Variants in CSGALNACT1 observed in about 807,000 individuals in gnomAD.
CSGALNACT1 encodes the protein chondroitin sulfate N-acetylgalactosaminyltransferase 1.
CSGALNACT1 carries 52 observed loss-of-function variants against 51.0 expected under a neutral mutation model. The ratio of observed to expected loss-of-function variants is 1.02; its 90% CI spans 0.82 to 1.29. The LOEUF is 1.29. CSGALNACT1 is among the 50% of genes most tolerant of loss of function. The pLI, the probability that CSGALNACT1 is intolerant of heterozygous loss-of-function variation, is 0.00. For synonymous variants in CSGALNACT1, 341 were observed against 254.4 expected (o/e 1.34, Z -3.24); for missense variants, 935 against 679.2 (o/e 1.38, Z -4.19).
chr8:19,564,765 C>T (rs1312830640), intron 3 of CSGALNACT1, among the ~76,000 whole-genome samples: 2 of 152,224 alleles, frequency 1.3e-5, no homozygotes, highest in Non-Finnish European at 2.9e-5. Context: ...CTCTGCATAG[C>T]ACTTTTTCTG....
In CSGALNACT1 at chr8:19,612,899, C is replaced by T. The variant is rs548650705; in HGVS notation, c.-543-11034G>A. On this transcript the variant is annotated intron_variant, in intron 1 of 9. Coordinates refer to the CSGALNACT1 transcript ENST00000332246. The stretch of plus-strand genomic sequence containing the variant: ...GGCAGTTGTAAACCATTTCAGCACC[C>T]GTAAAACCTTCTCCTTTATCACAAA... Among the ~76,000 whole-genome samples, 8 of 131,012 alleles carry T rather than the reference C, an allele frequency of 6.1e-5. 1 individual carries two copies. The highest frequency in any genetic ancestry group is 2.7e-4 in the Admixed American group (3 of 11,244). The allele number at this position is 131,012 out of a possible 152,430, so 85.9% of individuals were successfully genotyped here. A position where few individuals can be genotyped will look rare whatever the true frequency, so the allele number is the denominator to read the frequency against.
At chr8:19,628,926 T>G (rs147177667) in intron 1 of CSGALNACT1, among the ~76,000 whole-genome samples, 2 of 152,288 alleles carry the variant, frequency 1.3e-5, no homozygotes, top group African/African-American at 4.8e-5. Context: ...GCCTGGGAAG[T>G]GATCTTTCTG....
chr8:19,599,472 A>AAGAAAAAG (rs1554751245), intron 2 of CSGALNACT1, among the ~76,000 whole-genome samples: 50 of 113,800 alleles, frequency 4.4e-4, no homozygotes, highest in African/African-American at 1.6e-3. Flanking sequence ...GAAAGAAAGA[A>AAGAAAAAG]AAAGAAAGAA....
chr8:19,513,415 A>ACTCTCTCTCTCTCTCTCTCTCT (rs1409555325), intron 3 of CSGALNACT1, among the ~76,000 whole-genome samples: 3 of 111,498 alleles, frequency 2.7e-5, no homozygotes, highest in African/African-American at 1.0e-4. Context: ...TCTCTCTCTC[A>ACTCTCTCTCTCTCTCTCTCTCT]CTCTCTCTCT....
chr8:19,505,509 T>C, exon 4 of CSGALNACT1: 1 of 1,614,054 alleles, frequency 6.2e-7, no homozygotes, highest in Non-Finnish European at 8.5e-7. Flanking sequence ...GGGGCTCCTG[T>C]CCAGACCCAG....
intron 3 of CSGALNACT1, among the ~76,000 whole-genome samples, chr8:19,558,594 T>C (rs542925479): frequency 6.6e-6 from 1 of 152,344 alleles, no homozygotes; most frequent in South Asian, 2.1e-4. Context: ...GGGTTTAATC[T>C]AGATGTTTAC....
chr8:19,703,828 A>T (rs1054502882), intron 1 of CSGALNACT1, among the ~76,000 whole-genome samples: 2 of 152,250 alleles, frequency 1.3e-5, no homozygotes, highest in African/African-American at 4.8e-5. Context: ...TTCTCTACAA[A>T]GTACGTTACA....
intron 1 of CSGALNACT1, among the ~76,000 whole-genome samples, chr8:19,621,894 T>G (rs546174026): frequency 1.3e-5 from 2 of 152,382 alleles, no homozygotes; most frequent in South Asian, 2.1e-4. Context: ...TTCCACAATT[T>G]TTTGTGCTAT....
At chr8:19,726,697 T>C (rs1036403842) in intron 1 of CSGALNACT1, among the ~76,000 whole-genome samples, 4 of 152,166 alleles carry the variant, frequency 2.6e-5, no homozygotes, top group South Asian at 2.1e-4. Flanking sequence ...ATATGAACAA[T>C]ATAATACTGA....
chr8:19,554,126 G>C (rs191743510), intron 3 of CSGALNACT1, among the ~76,000 whole-genome samples: 4 of 152,068 alleles, frequency 2.6e-5, no homozygotes, highest in African/African-American at 7.2e-5. Flanking sequence ...GCCCACAGCT[G>C]AACATAATAC....
chr8:19,484,926 G>C (rs1457416215), intron 4 of CSGALNACT1, among the ~76,000 whole-genome samples: 1 of 152,072 alleles, frequency 6.6e-6, no homozygotes, highest in Non-Finnish European at 1.5e-5. Context: ...CCTCACTGAG[G>C]ACACAGTGAG....
chr8:19,408,967 C>CAG (rs1301412571), intron 8 of CSGALNACT1, among the ~76,000 whole-genome samples: 11 of 151,830 alleles, frequency 7.2e-5, no homozygotes, highest in African/African-American at 2.7e-4. Flanking sequence ...CACACACACA[C>CAG]ACACACACAC....
At chr8:19,754,593 T>C (rs2065240750) in intron 1 of CSGALNACT1, among the ~76,000 whole-genome samples, 1 of 152,248 alleles carries the variant, frequency 6.6e-6, no homozygotes, top group African/African-American at 2.4e-5. Context: ...ACATCTCTTT[T>C]AAGCCCTTAA....
chr8:19,561,961 C>T (rs769494049), intron 3 of CSGALNACT1, among the ~76,000 whole-genome samples: 142 of 152,272 alleles, frequency 9.3e-4, no homozygotes, highest in Middle Eastern at 3.4e-3. Context: ...ACCCTTGAAC[C>T]TCTAGAATGC....
intron 7 of CSGALNACT1, among the ~76,000 whole-genome samples, chr8:19,419,882 C>T (rs745868402): frequency 6.6e-6 from 1 of 152,210 alleles, no homozygotes; most frequent in Non-Finnish European, 1.5e-5. Context: ...TGAATTGTAG[C>T]TCCCATAATC....
Position 19,666,809 on chromosome 8 carries a change from A to AAG in CSGALNACT1, c.-544+15662_-544+15663dup, listed in dbSNP as rs375633259. On this transcript the variant is annotated intron_variant, in intron 1 of 9. Coordinates refer to the CSGALNACT1 transcript ENST00000332246. ...AAAGAAAGAAAGAAAGAAAGAAAGA[A>AAG]AGAGAGAGAGAGAGAGAGAGAGAGA... 2.0e-3 allele frequency among the ~76,000 whole-genome samples: 49 copies of AAG among 25,098 alleles called. 1 individual carries two copies. Among genetic ancestry groups the AAG allele is most frequent in the Admixed American group, 0.013 (26 of 2,048 alleles). The allele number at this position is 25,098 out of a possible 152,430, so 16.5% of individuals were successfully genotyped here. A position where few individuals can be genotyped will look rare whatever the true frequency, so the allele number is the denominator to read the frequency against.
At chr8:19,754,820 C>G (rs2065255190) in intron 1 of CSGALNACT1, among the ~76,000 whole-genome samples, 1 of 152,106 alleles carries the variant, frequency 6.6e-6, no homozygotes, top group Non-Finnish European at 1.5e-5. Flanking sequence ...AAGAGGTCCC[C>G]TAGTGGCGAA....
rs143463819 is a variant in CSGALNACT1 at position 19,415,902 on chromosome 8, G to T, written c.1227+2754C>A. The stretch of plus-strand genomic sequence containing the variant: ...ATACGTGCTGCTTAACGACACAACT[G>T]TAAGCATAAGCAATTGTAACACAAT... On this transcript the variant is annotated intron_variant, in intron 8 of 9. Transcript: ENST00000454498. Among the ~76,000 whole-genome samples, 19 of 152,270 alleles carry T rather than the reference G, an allele frequency of 1.2e-4. No individual in the cohort carries two copies. The East Asian group carries it at 3.5e-3, about 28-fold the overall frequency.
Position 19,531,334 on chromosome 8 carries a change from A to C in CSGALNACT1, c.-296-25204T>G, listed in dbSNP as rs145616067. The stretch of plus-strand genomic sequence containing the variant: ...ATAATTTAAAAAGTCAATGTAAGTC[A>C]AATGGGATGGACGTTAATATTGCCA... On this transcript the variant is annotated intron_variant, in intron 3 of 9. Transcript: ENST00000454498. 1.6e-3 allele frequency among the ~76,000 whole-genome samples: 238 copies of C among 152,342 alleles called. 3 individuals are homozygous for C. The Middle Eastern group carries it at 0.017, about 11-fold the overall frequency.
Sources: allele counts gnomAD v4.1 joint callset (sites outside exome capture counted in the v4.1 genomes callset), GRCh38; gene constraint gnomAD v4.1.1; transcripts MANE v1.5; gene names NCBI Gene and HGNC (gene_info 2026-07-23, HGNC 2026-07-21).